The following PPP1R9A variants were observed in gnomAD, a reference collection of about 807,000 sequenced individuals.
PPP1R9A encodes protein phosphatase 1 regulatory subunit 9A.
A neutral mutation model predicts 141.9 loss-of-function variants in PPP1R9A; 59 were observed. That is an observed-to-expected ratio of 0.42 (90% CI 0.34 to 0.52). PPP1R9A has a LOEUF of 0.52. PPP1R9A is among the 20% of genes least tolerant of loss of function. The pLI is 0.10. For synonymous variants in PPP1R9A, 500 were observed against 569.7 expected, an observed-to-expected ratio of 0.88 and a Z score of 1.74; for missense variants, 1,444 against 1,611.9, an observed-to-expected ratio of 0.90 and a Z score of 1.78.
intron 2 of PPP1R9A, among the ~76,000 whole-genome samples, chr7:94,988,015 A>T (rs1023273879): frequency 6.6e-6 from 1 of 152,198 alleles, no homozygotes. Context: ...TGATTAAAAA[A>T]ATAGTTAACA....
At chr7:94,962,326 T>A (rs1321452337) in intron 2 of PPP1R9A, among the ~76,000 whole-genome samples, 1 of 151,960 alleles carries the variant, frequency 6.6e-6, no homozygotes, top group Non-Finnish European at 1.5e-5. Flanking sequence ...TGTTCTTAGG[T>A]TTTTAAAGAA....
chr7:95,039,441 C>T (rs1808901732), intron 2 of PPP1R9A, among the ~76,000 whole-genome samples: 1 of 151,814 alleles, frequency 6.6e-6, no homozygotes, highest in Admixed American at 6.6e-5. Context: ...GCCTATAATC[C>T]CAGCTACTCT....
intron 2 of PPP1R9A, among the ~76,000 whole-genome samples, chr7:95,093,381 C>T (rs1445298095): frequency 6.6e-6 from 1 of 152,152 alleles, no homozygotes; most frequent in East Asian, 1.9e-4. Flanking sequence ...AATTGAAATA[C>T]TTGTAAGCAT....
chr7:95,212,768 T>G (rs1273318837), intron 7 of PPP1R9A, among the ~76,000 whole-genome samples: 1 of 152,154 alleles, frequency 6.6e-6, no homozygotes, highest in Admixed American at 6.5e-5. Flanking sequence ...TTCAATACCT[T>G]AGGCCAAGTG....
intron 16 of PPP1R9A, among the ~76,000 whole-genome samples, chr7:95,281,943 T>A (rs1804307090): frequency 1.3e-5 from 2 of 152,172 alleles, no homozygotes; most frequent in Non-Finnish European, 2.9e-5. Context: ...CAGTTTTTCC[T>A]CAGAGATACC....
rs556087668 is a variant in PPP1R9A, at chr7:95,293,452, C to T, written c.*3149C>T. ...TTTAGCTGGGATTGACAATTGATTTCACACCCTCAACATCACAAGCTTTTT... is the reference window on the plus strand; with the variant it reads ...TTTAGCTGGGATTGACAATTGATTTTACACCCTCAACATCACAAGCTTTTT... On this transcript the variant is annotated 3_prime_UTR_variant, in exon 20 of 20. Transcript: ENST00000433360. 6.6e-6 allele frequency: 1 copy of T among 152,274 alleles called. No individual in the cohort carries two copies. Among genetic ancestry groups the T allele is most frequent in the Admixed American group, 6.5e-5 (1 of 15,280 alleles). The allele number at this position is 152,274 out of a possible 1,614,324, so 9.4% of individuals were successfully genotyped here. A position where few individuals can be genotyped will look rare whatever the true frequency, so the allele number is the denominator to read the frequency against.
At chr7:95,028,239 A>G (rs1303572074) in intron 2 of PPP1R9A, among the ~76,000 whole-genome samples, 1 of 152,132 alleles carries the variant, frequency 6.6e-6, no homozygotes, top group South Asian at 2.1e-4. Flanking sequence ...CCTTTTAGAG[A>G]ATATTTTGAT....
intron 10 of PPP1R9A, among the ~76,000 whole-genome samples, 173 bp from the exon 11 acceptor site, chr7:95,251,589 A>G (rs1242170230): frequency 6.6e-6 from 1 of 152,168 alleles, no homozygotes; most frequent in African/African-American, 2.4e-5. Flanking sequence ...CTTGTGACCC[A>G]TTAAAGATGT....
chr7:95,181,471 T>TATATATATTCCATCATATATATAGA (rs1403840906), intron 5 of PPP1R9A, among the ~76,000 whole-genome samples: 11 of 137,482 alleles, frequency 8.0e-5, no homozygotes, highest in Non-Finnish European at 1.4e-4. Context: ...ATATAGAGAA[T>TATATATATTCCATCATATATATAGA]ATATATATTC....
intron 2 of PPP1R9A, among the ~76,000 whole-genome samples, chr7:94,946,326 T>C (rs1326173278): frequency 1.3e-5 from 2 of 152,252 alleles, no homozygotes; most frequent in Non-Finnish European, 1.5e-5. Context: ...AGGACTTGCC[T>C]TTTTTGAAGT....
chr7:95,254,781 A>G (rs973888363), intron 12 of PPP1R9A, among the ~76,000 whole-genome samples: 2 of 152,214 alleles, frequency 1.3e-5, no homozygotes, highest in Admixed American at 6.5e-5. Context: ...GCTCTTCCAA[A>G]ATGATGTGAC....
intron 16 of PPP1R9A, among the ~76,000 whole-genome samples, chr7:95,283,020 C>G (rs901501608): frequency 6.6e-6 from 1 of 152,130 alleles, no homozygotes; most frequent in African/African-American, 2.4e-5. Flanking sequence ...TGTCCAGGCA[C>G]TTTTAATTGA....
At chr7:94,928,450 T>TC (rs1422896994) in intron 2 of PPP1R9A, among the ~76,000 whole-genome samples, 1 of 152,204 alleles carries the variant, frequency 6.6e-6, no homozygotes, top group East Asian at 1.9e-4. Flanking sequence ...CCCCATTTTT[T>TC]CTCTCTGTTC....
At chr7:94,966,034 A>C (rs190166443) in intron 2 of PPP1R9A, among the ~76,000 whole-genome samples, 5 of 152,142 alleles carry the variant, frequency 3.3e-5, no homozygotes, top group African/African-American at 1.2e-4. Flanking sequence ...GAGGTCCTTC[A>C]CATTCCTTTA....
intron 3 of PPP1R9A, among the ~76,000 whole-genome samples, chr7:95,113,692 T>C (rs1820978756): frequency 6.6e-6 from 1 of 152,160 alleles, no homozygotes; most frequent in Admixed American, 6.5e-5. Context: ...CCAGAAAGCA[T>C]TTACCTATCC....
intron 8 of PPP1R9A, among the ~76,000 whole-genome samples, chr7:95,229,689 G>T (rs1795646413): frequency 6.6e-6 from 1 of 152,098 alleles, no homozygotes; most frequent in Non-Finnish European, 1.5e-5. Context: ...TACCCACCCT[G>T]GTAGCTGAAG....
chr7:95,145,950 G>T (rs994971803), intron 4 of PPP1R9A, among the ~76,000 whole-genome samples: 1 of 152,148 alleles, frequency 6.6e-6, no homozygotes, highest in Non-Finnish European at 1.5e-5. Flanking sequence ...GAATAGTGCT[G>T]CAGTAAACAT....
At chr7:94,967,454 G>A (rs1030439316) in intron 2 of PPP1R9A, among the ~76,000 whole-genome samples, 1 of 152,058 alleles carries the variant, frequency 6.6e-6, no homozygotes, top group Non-Finnish European at 1.5e-5. Context: ...TGGGCATTTA[G>A]TGCTATAAAT....
intron 12 of PPP1R9A, among the ~76,000 whole-genome samples, chr7:95,258,933 G>A (rs900318737): frequency 2.0e-5 from 3 of 152,154 alleles, no homozygotes; most frequent in Admixed American, 2.0e-4. Context: ...ACTTCGATGT[G>A]TATATATATC....
Sources: gnomAD v4.1 joint callset for allele counts (sites outside exome capture counted in the v4.1 genomes callset) on GRCh38, gnomAD v4.1.1 for gene constraint, MANE v1.5 for transcripts, NCBI Gene and HGNC (gene_info 2026-07-23, HGNC 2026-07-21) for gene names.